Variants in ASPH observed in about 807,000 individuals in gnomAD.
The protein encoded by ASPH is aspartyl/asparaginyl beta-hydroxylase.
A neutral mutation model predicts 118.4 loss-of-function variants in ASPH; 100 were observed. That is an observed-to-expected ratio of 0.84 (90% CI 0.72 to 1.00). The LOEUF is 1.00. Among genes scored for constraint, ASPH ranks in the 50% least tolerant of loss-of-function variants. The pLI, the probability that ASPH is intolerant of heterozygous loss-of-function variation, is 0.00. For missense variants in ASPH, 920 were observed against 919.5 expected, an observed-to-expected ratio of 1.00 and a Z score of -0.01; for synonymous variants, 315 against 325.6, an observed-to-expected ratio of 0.97 and a Z score of 0.35.
At chr8:61,616,815 C>G (rs1213239541) in intron 14 of ASPH, among the ~76,000 whole-genome samples, 1 of 152,232 alleles carries the variant, frequency 6.6e-6, no homozygotes, top group Non-Finnish European at 1.5e-5. Context: ...TTCCTCAGAA[C>G]TCTTACCACA....
chr8:61,523,424 TCCTA>T (rs954211249), intron 22 of ASPH, among the ~76,000 whole-genome samples: 1 of 151,414 alleles, frequency 6.6e-6, no homozygotes, highest in Non-Finnish European at 1.5e-5. Flanking sequence ...CAAGTGATTC[TCCTA>T]CCTCAGCCTC....
chr8:61,654,284 C>T (rs1812537264), intron 3 of ASPH, among the ~76,000 whole-genome samples: 1 of 152,142 alleles, frequency 6.6e-6, no homozygotes, highest in Non-Finnish European at 1.5e-5. Flanking sequence ...ATTTTAAAGT[C>T]AAGGCCAGTC....
intron 3 of ASPH, chr8:61,663,440 G>T: frequency 1.0e-6 from 1 of 985,368 alleles, no homozygotes; most frequent in Non-Finnish European, 1.2e-6. Flanking sequence ...GGGCCATCTT[G>T]GTTATCAAGT....
At chr8:61,634,445 A>G (rs1174520395) in intron 12 of ASPH, among the ~76,000 whole-genome samples, 1 of 152,246 alleles carries the variant, frequency 6.6e-6, no homozygotes, top group Admixed American at 6.5e-5. Flanking sequence ...TATTTTCTAA[A>G]ACAGAAAACA....
chr8:61,590,801 T>A (rs775852716), intron 14 of ASPH, among the ~76,000 whole-genome samples: 52 of 152,128 alleles, frequency 3.4e-4, no homozygotes, highest in Non-Finnish European at 6.9e-4. Flanking sequence ...TCTCATGGTG[T>A]TTTATCTTCC....
At chr8:61,581,586 C>G (rs1481761788) in intron 15 of ASPH, among the ~76,000 whole-genome samples, 4 of 152,234 alleles carry the variant, frequency 2.6e-5, no homozygotes, top group African/African-American at 9.6e-5. Flanking sequence ...ATGTTTCTCT[C>G]TGGACTTGGA....
chr8:61,643,561 A>G (rs910627808), intron 8 of ASPH, 128 bp from the exon 9 acceptor site: 1 of 924,756 alleles, frequency 1.1e-6, no homozygotes, highest in Non-Finnish European at 1.6e-6. Context: ...TTATCATTTA[A>G]TAAAATTTAA....
At chr8:61,677,856 T>C (rs1245919979) in intron 3 of ASPH, among the ~76,000 whole-genome samples, 1 of 152,172 alleles carries the variant, frequency 6.6e-6, no homozygotes, top group East Asian at 1.9e-4. Flanking sequence ...TATAAAACTT[T>C]TCCATCCTTC....
intron 15 of ASPH, chr8:61,579,584 CA>C: frequency 6.6e-7 from 1 of 1,522,070 alleles, no homozygotes; most frequent in Non-Finnish European, 9.0e-7. Context: ...TCAGCCGCAC[CA>C]GTTCCTCCAG....
At chr8:61,539,733 T>TGTGTGTGTGTGTGTGTGTGTGC (rs1821140799) in intron 21 of ASPH, among the ~76,000 whole-genome samples, 1 of 151,464 alleles carries the variant, frequency 6.6e-6, no homozygotes, top group Admixed American at 6.6e-5. Context: ...TGTGTGTGTG[T>TGTGTGTGTGTGTGTGTGTGTGC]GTGTGTGTCT....
At chr8:61,578,994 A>G (rs1836410497) in intron 15 of ASPH, 5 of 1,610,724 alleles carry the variant, frequency 3.1e-6, no homozygotes, top group Non-Finnish European at 4.2e-6. Flanking sequence ...CATGGACAGC[A>G]TCATTGCTGA....
chr8:61,618,798 G>C (rs999767176), intron 14 of ASPH, among the ~76,000 whole-genome samples, 180 bp downstream of exon 14: 4 of 152,106 alleles, frequency 2.6e-5, no homozygotes, highest in African/African-American at 9.7e-5. Flanking sequence ...CTGTGCTTTG[G>C]CTCTTAATGT....
rs751559728 is a variant in ASPH, at chr8:61,503,427, T to A, written c.2209A>T (p.Ile737Leu). The A allele has an allele frequency of 1.9e-6, 3 of 1,613,100 alleles. No homozygotes were observed. The highest frequency in any genetic ancestry group is 4.5e-5 in the East Asian group (2 of 44,800). Residue 737 changes from isoleucine to leucine, a missense_variant, in exon 25 of 25, where the codon ATA becomes TTA. Coordinates refer to ENST00000379454, the MANE Select transcript of ASPH (RefSeq NM_004318.4). ...GGATGCCACACATCCACGATGAATA[T>A]CAGCCGGAAAGATGAGGCATCCTGC... Reference protein sequence around the residue: ...VWQDASSFRLIFIVDVWHPEL... With the variant: ...VWQDASSFRLLFIVDVWHPEL...
intron 3 of ASPH, chr8:61,656,044 A>G (rs1347128178): frequency 6.6e-6 from 1 of 152,224 alleles, no homozygotes; most frequent in Non-Finnish European, 1.5e-5. Context: ...ACCCAAGCTC[A>G]TTTTAGTTCT....
chr8:61,646,172 G>A (rs892723666), intron 6 of ASPH, among the ~76,000 whole-genome samples: 3 of 152,144 alleles, frequency 2.0e-5, no homozygotes, highest in African/African-American at 7.2e-5. Context: ...TGTTGGGTAG[G>A]ATTTTACAAA....
At chr8:61,560,586 T>C (rs913895060) in intron 18 of ASPH, among the ~76,000 whole-genome samples, 3 of 152,230 alleles carry the variant, frequency 2.0e-5, no homozygotes, top group Admixed American at 1.3e-4. Context: ...CCCACACATA[T>C]TTTCAGTCTA....
intron 24 of ASPH, among the ~76,000 whole-genome samples, chr8:61,508,903 G>C (rs1807699579): frequency 1.3e-5 from 2 of 152,198 alleles, no homozygotes; most frequent in South Asian, 4.1e-4. Flanking sequence ...ATTTGACACA[G>C]CTCTTACTCA....
At position 61,689,602 on chromosome 8, in the gene ASPH, C is replaced by G. The variant is rs900421262; in HGVS notation, c.104-5414G>C. 3.5e-6 allele frequency: 5 copies of G among 1,427,148 alleles called. No homozygotes were observed. In the African/African-American group the frequency reaches 5.8e-5, roughly 16 times the overall value. 88.4% of individuals were successfully genotyped at this position (1,427,148 alleles called of 1,614,324 possible). ...TAGCCAAAAATATTTTAACAGAGCA[C>G]CACTGAAAATAAAGTGAAAAGCTGT... On this transcript the variant is annotated intron_variant, in intron 1 of 24. Coordinates refer to ENST00000379454, the MANE Select transcript of ASPH (RefSeq NM_004318.4).
At chr8:61,645,805 G>A (rs1008793474) in intron 6 of ASPH, among the ~76,000 whole-genome samples, 23 of 152,158 alleles carry the variant, frequency 1.5e-4, no homozygotes, top group Admixed American at 1.3e-3. Flanking sequence ...CATAAAGTAG[G>A]AGCTACCTGC....
Sources: allele counts gnomAD v4.1 joint callset (sites outside exome capture counted in the v4.1 genomes callset), GRCh38; gene constraint gnomAD v4.1.1; transcripts MANE v1.5; gene names NCBI Gene and HGNC (gene_info 2026-07-23, HGNC 2026-07-21).